DAG1: variants seen among roughly 807,000 people sequenced by gnomAD.
DAG1 encodes dystroglycan 1 (dystrophin-associated glycoprotein 1).
In DAG1, 8 loss-of-function variants were observed where a neutral mutation model predicts 46.1. That is an observed-to-expected ratio of 0.17 (90% confidence interval 0.10 to 0.31). The LOEUF (loss-of-function observed/expected upper bound fraction) is 0.31, where lower values mean the gene tolerates loss of function less well. DAG1 is among the 10% of genes least tolerant of loss of function. The pLI, the probability that DAG1 is intolerant of heterozygous loss-of-function variation, is 1.00. For synonymous variants in DAG1, 495 were observed against 481.8 expected (o/e 1.03, Z -0.36); for missense variants, 1,003 against 1,189.9 (o/e 0.84, Z 2.31).
Position 49,476,481 on chromosome 3 carries a change from C to G in DAG1, c.-117+6048C>G, listed in dbSNP as rs563345216. ...TGGCGCACACCTGTAATCCAAGCTG[C>G]TTGGTAGGCTGAGGCAGGAAAATTG... On this transcript the variant is annotated intron_variant, in intron 1 of 2. Coordinates refer to ENST00000308775, the MANE Select transcript of DAG1 (RefSeq NM_004393.6). Among the ~76,000 whole-genome samples the G allele has an allele frequency of 1.2e-3, 187 of 152,186 alleles. 5 individuals carry two copies. The South Asian group carries it at 0.038, about 31-fold the overall frequency.
chr3:49,505,902 T>C (rs1229665494), intron 1 of DAG1, among the ~76,000 whole-genome samples: 1 of 149,030 alleles, frequency 6.7e-6, no homozygotes, highest in Non-Finnish European at 1.5e-5. Context: ...ACTCCCGACC[T>C]CAGGTGATCC....
intron 1 of DAG1, among the ~76,000 whole-genome samples, chr3:49,472,424 G>A (rs1210953706): frequency 6.6e-6 from 1 of 152,168 alleles, no homozygotes; most frequent in East Asian, 1.9e-4. Context: ...TGTCTGGTTA[G>A]TGTTGAGGAT....
At chr3:49,522,665 G>A (rs2051064028) in intron 2 of DAG1, among the ~76,000 whole-genome samples, 1 of 152,030 alleles carries the variant, frequency 6.6e-6, no homozygotes, top group African/African-American at 2.4e-5. Flanking sequence ...TTAATGTTTT[G>A]GGATGCACTT....
intron 1 of DAG1, among the ~76,000 whole-genome samples, chr3:49,477,452 C>T (rs143475442): frequency 2.4e-4 from 37 of 152,172 alleles, no homozygotes; most frequent in African/African-American, 8.2e-4. Context: ...TCACCATGCC[C>T]GGCTAATTTT....
At chr3:49,500,743 A>C (rs556547326) in intron 1 of DAG1, among the ~76,000 whole-genome samples, 1 of 152,242 alleles carries the variant, frequency 6.6e-6, no homozygotes, top group Admixed American at 6.5e-5. Flanking sequence ...ATCTTGCCAG[A>C]ATCTTTCTGT....
intron 1 of DAG1, among the ~76,000 whole-genome samples, chr3:49,488,315 A>G (rs990182037): frequency 7.2e-5 from 11 of 152,214 alleles, no homozygotes; most frequent in African/African-American, 2.4e-4. Flanking sequence ...AAATAAGAGA[A>G]AAGTCGTTTG....
Position 49,532,452 on chromosome 3 carries a change from G to A in DAG1, c.1941G>A (p.Leu647=), listed in dbSNP as rs771526807. The A allele has an allele frequency of 3.7e-6, 6 of 1,614,216 alleles. No homozygotes were observed. In the South Asian group the frequency reaches 5.5e-5, roughly 15 times the overall value. The change falls in exon 3 of 3, where the codon CTG becomes CTA. Residue 647 remains leucine (L), a synonymous_variant. Transcript: ENST00000308775. This position sits in a 1 kb window ranked among gnomAD's most constrained non-coding sequence, Gnocchi z 5.4. ...ACCGAAACTGTAGCACCATCACCCTGCAGAATATCACCCGGGGCTCCATCG... is the reference window on the plus strand; with the variant it reads ...ACCGAAACTGTAGCACCATCACCCTACAGAATATCACCCGGGGCTCCATCG... ...FGDRNCSTIT[L]QNITRGSIVV... is the part of the protein sequence containing the mutation.
intron 1 of DAG1, among the ~76,000 whole-genome samples, chr3:49,492,090 C>G (rs1472388191): frequency 6.6e-6 from 1 of 152,080 alleles, no homozygotes; most frequent in Non-Finnish European, 1.5e-5. Context: ...CCAAGCCCAG[C>G]TAATTTTTGT....
intron 1 of DAG1, among the ~76,000 whole-genome samples, chr3:49,505,679 T>A (rs1416745134): frequency 4.0e-5 from 6 of 149,858 alleles, no homozygotes; most frequent in African/African-American, 9.8e-5. Flanking sequence ...TATGCCAAAC[T>A]TTTTTTTTTG....
chr3:49,488,054 A>G (rs1443253731), intron 1 of DAG1, among the ~76,000 whole-genome samples: 1 of 152,108 alleles, frequency 6.6e-6, no homozygotes, highest in East Asian at 1.9e-4. Context: ...GTTTTACTAG[A>G]AAAACATAGC....
chr3:49,502,809 T>G (rs532541017), intron 1 of DAG1, among the ~76,000 whole-genome samples: 33 of 152,100 alleles, frequency 2.2e-4, no homozygotes, highest in African/African-American at 7.5e-4. Flanking sequence ...TGGCTAATTT[T>G]TGTATTTTTA....
intron 1 of DAG1, chr3:49,470,976 CT>C (rs1397814081): frequency 6.6e-6 from 1 of 152,232 alleles, no homozygotes; most frequent in African/African-American, 2.4e-5. Context: ...CCTGGTTCAC[CT>C]GCGAGTGTAT....
At chr3:49,489,969 C>T (rs1192431727) in intron 1 of DAG1, among the ~76,000 whole-genome samples, 1 of 152,136 alleles carries the variant, frequency 6.6e-6, no homozygotes, top group Non-Finnish European at 1.5e-5. Flanking sequence ...CTGACTGCTT[C>T]ACAATTGTTG....
At chr3:49,477,152 C>T (rs1050797775) in intron 1 of DAG1, among the ~76,000 whole-genome samples, 2 of 152,092 alleles carry the variant, frequency 1.3e-5, no homozygotes, top group Admixed American at 1.3e-4. Flanking sequence ...CATGTGCCCC[C>T]GCGCCCAGCT....
At chr3:49,519,562 G>A (rs568130496) in intron 2 of DAG1, among the ~76,000 whole-genome samples, 2 of 152,314 alleles carry the variant, frequency 1.3e-5, no homozygotes, top group East Asian at 3.9e-4. Context: ...ATGAGCTGCA[G>A]TTTCTTCCTG....
chr3:49,497,707 C>T (rs753496621), intron 1 of DAG1, among the ~76,000 whole-genome samples: 4 of 152,062 alleles, frequency 2.6e-5, no homozygotes, highest in Admixed American at 1.3e-4. Flanking sequence ...GTATACTGTT[C>T]GGTAATAAAT....
chr3:49,500,811 G>A (rs1055129108), intron 1 of DAG1, among the ~76,000 whole-genome samples: 1 of 152,136 alleles, frequency 6.6e-6, no homozygotes, highest in South Asian at 2.1e-4. Flanking sequence ...ATGTGACCAC[G>A]ACTGAGTATT....
intron 2 of DAG1, among the ~76,000 whole-genome samples, chr3:49,529,071 G>A (rs1390583175): frequency 6.6e-6 from 1 of 151,802 alleles, no homozygotes; most frequent in Non-Finnish European, 1.5e-5. Flanking sequence ...GGCTGGTCTC[G>A]AACTCCTGAC....
At chr3:49,473,836 A>G (rs927939113) in intron 1 of DAG1, among the ~76,000 whole-genome samples, 1 of 151,288 alleles carries the variant, frequency 6.6e-6, no homozygotes, top group Non-Finnish European at 1.5e-5. Flanking sequence ...CGCCCGCGTC[A>G]GCCTCCCAAA....
Sources: allele counts gnomAD v4.1 joint callset (sites outside exome capture counted in the v4.1 genomes callset), GRCh38; gene constraint gnomAD v4.1.1; non-coding constraint Gnocchi (gnomAD v3.1); transcripts MANE v1.5; gene names NCBI Gene and HGNC (gene_info 2026-07-23, HGNC 2026-07-21).